PRR16: variants seen among roughly 807,000 people sequenced by gnomAD.
PRR16 encodes the protein protein Largen.
In PRR16, 6 loss-of-function variants were observed where a neutral mutation model predicts 18.2. That is an observed-to-expected ratio of 0.33 (90% CI 0.18 to 0.65). PRR16 has a LOEUF of 0.65. Among genes scored for constraint, PRR16 ranks in the 30% least tolerant of loss-of-function variants. The pLI, the probability that PRR16 is intolerant of heterozygous loss-of-function variation, is 0.74. For missense variants in PRR16, 412 were observed against 376.6 expected, an observed-to-expected ratio of 1.09 and a Z score of -0.78; for synonymous variants, 151 against 147.8, an observed-to-expected ratio of 1.02 and a Z score of -0.16.
chr5:120,490,272 G>A (rs552061198), intron 1 of PRR16, among the ~76,000 whole-genome samples: 16 of 152,128 alleles, frequency 1.1e-4, no homozygotes, highest in South Asian at 6.2e-4. Context: ...CATTCTCCCC[G>A]TCACTTTCAT....
chr5:120,506,927 A>G (rs113480142), intron 1 of PRR16, among the ~76,000 whole-genome samples: 3 of 152,204 alleles, frequency 2.0e-5, no homozygotes, highest in African/African-American at 7.2e-5. Flanking sequence ...AAGGGAGGCT[A>G]ATGGGGGTCA....
chr5:120,598,850 A>G lies in PRR16; in HGVS notation c.160-87104A>G, dbSNP rs970671263. ...CCAGCAGTCTTCTTTGTTCTTATTA[A>G]TGCTTTTGGCTTTAAAATCAATTTA... On this transcript the variant is annotated intron_variant, in intron 1 of 1. Coordinates refer to ENST00000407149, the MANE Select transcript of PRR16 (RefSeq NM_001300783.2). Among the ~76,000 whole-genome samples, 3 of 151,822 alleles carry G rather than the reference A, an allele frequency of 2.0e-5. No individual in the cohort carries two copies. The East Asian group carries it at 5.8e-4, about 29-fold the overall frequency.
intron 1 of PRR16, among the ~76,000 whole-genome samples, chr5:120,678,049 A>G (rs994328417): frequency 8.6e-5 from 13 of 151,654 alleles, no homozygotes; most frequent in Non-Finnish European, 1.5e-4. Context: ...AGCTGGGACT[A>G]CAGGCGCCGG....
At chr5:120,745,286 G>C in the PRR16 span, among the ~76,000 whole-genome samples, 1 of 152,144 alleles carries the variant, frequency 6.6e-6, no homozygotes, top group African/African-American at 2.4e-5. Flanking sequence ...GCTTCTGAGT[G>C]TTTGAAATGT....
chr5:120,758,816 CA>C, the PRR16 span, among the ~76,000 whole-genome samples: 2 of 152,020 alleles, frequency 1.3e-5, no homozygotes, highest in East Asian at 1.9e-4. Flanking sequence ...ACTATGAAAA[CA>C]AACTAATACA....
Position 120,686,374 on chromosome 5 carries a change from G to C in PRR16, c.580G>C (p.Asp194His), listed in dbSNP as rs1757124194. The C allele has an allele frequency of 1.2e-6, 2 of 1,614,120 alleles. No individual in the cohort carries two copies. The highest frequency in any genetic ancestry group is 2.2e-5 in the South Asian group (2 of 91,088). Residue 194 changes from aspartate (D) to histidine (H), a missense_variant, in exon 2 of 2, where the codon GAC (aspartate) becomes CAC (histidine). Transcript: ENST00000407149. ...VQLLMHRPEK[D>H]RCPQAGPRER... Reference sequence around the variant, plus strand: ...GCTTCTGATGCATAGACCTGAAAAAGACAGATGTCCCCAGGCAGGGCCTCG... The same window carrying C: ...GCTTCTGATGCATAGACCTGAAAAACACAGATGTCCCCAGGCAGGGCCTCG...
At chr5:120,601,530 T>C (rs1364248141) in intron 1 of PRR16, among the ~76,000 whole-genome samples, 1 of 152,048 alleles carries the variant, frequency 6.6e-6, no homozygotes, top group Non-Finnish European at 1.5e-5. Context: ...GTTTACTCTG[T>C]TGATAGTTTC....
chr5:120,570,401 C>T (rs962366125), intron 1 of PRR16, among the ~76,000 whole-genome samples: 9 of 152,050 alleles, frequency 5.9e-5, no homozygotes, highest in Admixed American at 4.6e-4. Context: ...AAAAGACAAC[C>T]GCCAAATGCC....
chr5:120,659,177 A>G (rs988148575), intron 1 of PRR16, among the ~76,000 whole-genome samples: 1 of 152,034 alleles, frequency 6.6e-6, no homozygotes, highest in African/African-American at 2.4e-5. Flanking sequence ...AGGTGAACCA[A>G]TTTGATTCCA....
intron 1 of PRR16, among the ~76,000 whole-genome samples, chr5:120,665,278 T>A (rs1375155391): frequency 1.3e-5 from 2 of 151,530 alleles, no homozygotes; most frequent in Non-Finnish European, 2.9e-5. Context: ...TCTGTTCATA[T>A]CCTTCACCCA....
the PRR16 span, among the ~76,000 whole-genome samples, chr5:120,726,717 T>G: frequency 1.3e-5 from 2 of 152,038 alleles, no homozygotes; most frequent in Non-Finnish European, 2.9e-5. Flanking sequence ...GTAGGATAAT[T>G]GACAGGTCAT....
chr5:120,778,976 G>A, the PRR16 span, among the ~76,000 whole-genome samples: 1 of 152,124 alleles, frequency 6.6e-6, no homozygotes, highest in Non-Finnish European at 1.5e-5. Flanking sequence ...TTTAAACAAG[G>A]AGGAGGGAGA....
chr5:120,548,562 G>A (rs191394891), intron 1 of PRR16, among the ~76,000 whole-genome samples: 1 of 152,006 alleles, frequency 6.6e-6, no homozygotes, highest in Non-Finnish European at 1.5e-5. Context: ...AGTTATTTTA[G>A]GCTGTTTGTG....
At chr5:120,512,311 G>A (rs1252517007) in intron 1 of PRR16, among the ~76,000 whole-genome samples, 3 of 152,050 alleles carry the variant, frequency 2.0e-5, no homozygotes, top group Non-Finnish European at 4.4e-5. Context: ...GGCTCCAGGC[G>A]ACCAAATCCC....
At chr5:120,645,020 C>T (rs901574090) in intron 1 of PRR16, among the ~76,000 whole-genome samples, 9 of 152,056 alleles carry the variant, frequency 5.9e-5, no homozygotes, top group African/African-American at 1.7e-4. Flanking sequence ...GCTTTGCCAA[C>T]GTTTGTATCT....
chr5:120,694,142 A>T, the PRR16 span, among the ~76,000 whole-genome samples: 8 of 152,322 alleles, frequency 5.3e-5, no homozygotes, highest in South Asian at 1.7e-3. Context: ...ATTCTTATTA[A>T]TTTGTGACAC....
At chr5:120,580,075 T>G (rs1033716406) in intron 1 of PRR16, among the ~76,000 whole-genome samples, 10 of 152,198 alleles carry the variant, frequency 6.6e-5, no homozygotes, top group Non-Finnish European at 1.3e-4. Flanking sequence ...TTTTTGCACA[T>G]TGATTTTGTA....
rs75099300 is a variant in PRR16, at chr5:120,680,874, G to A, written c.160-5080G>A. 5.6e-3 allele frequency among the ~76,000 whole-genome samples: 850 copies of A among 152,088 alleles called. 4 individuals carry two copies. Among genetic ancestry groups the A allele is most frequent in the Non-Finnish European group, 8.2e-3 (557 of 67,958 alleles). ...CTACTTCATAATCTTTTTTCCACTCGTGTGTGTGTACACATGAACATAAAC... is the reference window on the plus strand; with the variant it reads ...CTACTTCATAATCTTTTTTCCACTCATGTGTGTGTACACATGAACATAAAC... On this transcript the variant is annotated intron_variant, in intron 1 of 1. Transcript: ENST00000407149.
intron 1 of PRR16, among the ~76,000 whole-genome samples, chr5:120,641,098 G>A (rs750712934): frequency 2.6e-5 from 4 of 152,180 alleles, no homozygotes; most frequent in African/African-American, 7.2e-5. Context: ...AAGGGAAACC[G>A]TGAGGGTGAG....
Sources: gnomAD v4.1 joint callset for allele counts (sites outside exome capture counted in the v4.1 genomes callset) on GRCh38, gnomAD v4.1.1 for gene constraint, MANE v1.5 for transcripts, NCBI Gene and HGNC (gene_info 2026-07-23, HGNC 2026-07-21) for gene names.